VSTM2B: variants seen among roughly 807,000 people sequenced by gnomAD.
VSTM2B encodes V-set and transmembrane domain-containing protein 2B.
VSTM2B carries 24 observed loss-of-function variants against 24.0 expected under a neutral mutation model. That is an observed-to-expected ratio of 1.00 (90% CI 0.72 to 1.40). The LOEUF (loss-of-function observed/expected upper bound fraction) is 1.40. Ranked by LOEUF, VSTM2B falls within the 40% of genes most tolerant of loss-of-function variation. The pLI is 0.00. For missense variants in VSTM2B, 399 were observed against 416.4 expected (o/e 0.96, Z 0.36); for synonymous variants, 226 against 194.4 (o/e 1.16, Z -1.35).
Position 29,526,709 on chromosome 19 carries a change from T to C in VSTM2B, c.82+44T>C. 1 of 1,453,866 alleles carries C rather than the reference T, an allele frequency of 6.9e-7. No homozygotes were observed. Among genetic ancestry groups the C allele is most frequent in the Non-Finnish European group, 9.2e-7 (1 of 1,089,968 alleles). The allele number at this position is 1,453,866 out of a possible 1,614,324, so 90.1% of individuals were successfully genotyped here. ...CTGCCGCTGTGGACTCGGGGGGGTC[T>C]TTGCTGGGGCCGCCACCGAGAAGAA... On this transcript the variant is annotated intron_variant, in intron 1 of 4. Coordinates refer to ENST00000335523, the MANE Select transcript of VSTM2B (RefSeq NM_001146339.2). This position sits in a 1 kb window ranked among gnomAD's most constrained non-coding sequence, Gnocchi z 4.1.
intron 2 of VSTM2B, among the ~76,000 whole-genome samples, chr19:29,527,963 C>A (rs1019480859): frequency 3.9e-4 from 60 of 152,264 alleles, no homozygotes; most frequent in African/African-American, 1.3e-3. Context: ...CACCTACACA[C>A]ACACCTACAC....
chr19:29,525,580 C>T (rs1969537323), upstream of VSTM2B: 3 of 152,452 alleles, frequency 2.0e-5, 1 homozygote, highest in South Asian at 2.1e-4. Context: ...CCGCCCTTCT[C>T]GCGGCCCCGG....
intron 4 of VSTM2B, among the ~76,000 whole-genome samples, chr19:29,538,194 G>A (rs538959895): frequency 1.6e-4 from 24 of 152,148 alleles, no homozygotes; most frequent in African/African-American, 4.1e-4. Flanking sequence ...CTTGTTTTCC[G>A]GATACATCCA....
At chr19:29,545,613 CAA>C (rs1555750554) in intron 4 of VSTM2B, among the ~76,000 whole-genome samples, 2 of 151,916 alleles carry the variant, frequency 1.3e-5, no homozygotes, top group Non-Finnish European at 2.9e-5. Context: ...AACTCCATCT[CAA>C]AAAAAGAGAA....
intron 4 of VSTM2B, among the ~76,000 whole-genome samples, chr19:29,543,651 A>C (rs141738512): frequency 2.6e-4 from 39 of 152,346 alleles, no homozygotes; most frequent in African/African-American, 8.7e-4. Flanking sequence ...TTCCTTGAGC[A>C]GTCATTAATT....
At chr19:29,532,730 T>C (rs1599878935) in intron 4 of VSTM2B, among the ~76,000 whole-genome samples, 1 of 152,354 alleles carries the variant, frequency 6.6e-6, no homozygotes, top group East Asian at 1.9e-4. Context: ...TGTTCATTAT[T>C]ATCACCCTGG....
At chr19:29,531,977 G>T (rs1485918185) in intron 4 of VSTM2B, among the ~76,000 whole-genome samples, 3 of 152,244 alleles carry the variant, frequency 2.0e-5, no homozygotes, top group African/African-American at 7.2e-5. Flanking sequence ...GCAGACCAGT[G>T]AGGAGAGACA....
At chr19:29,546,471 T>C (rs1272429930) in intron 4 of VSTM2B, among the ~76,000 whole-genome samples, 2 of 152,214 alleles carry the variant, frequency 1.3e-5, no homozygotes, top group Non-Finnish European at 2.9e-5. Context: ...GGAAAGTGGT[T>C]TCTACCTCCT....
chr19:29,534,067 G>C (rs1294016739), intron 4 of VSTM2B, among the ~76,000 whole-genome samples: 7 of 152,160 alleles, frequency 4.6e-5, no homozygotes, highest in Non-Finnish European at 8.8e-5. Flanking sequence ...CAGGGTCACT[G>C]GGGGGGATGG....
At position 29,530,262 on chromosome 19, in the gene VSTM2B, G is replaced by A. The variant is rs1167411515; in HGVS notation, c.741G>A (p.Ala247=). The stretch of plus-strand genomic sequence containing the variant: ...CAGCGTCGCCGCCATCGGGACAGGC[G>A]GTCCTGCTGCGCCAGAGGCACGGCT... ...ASSASPPSGQ[A]VLLRQRHGSG... The change falls in exon 4 of 5, where the codon GCG becomes GCA. Residue 247 remains alanine, a synonymous_variant. Coordinates refer to ENST00000335523, the MANE Select transcript of VSTM2B (RefSeq NM_001146339.2). The A allele has an allele frequency of 4.0e-6, 6 of 1,502,056 alleles. No homozygotes were observed. The highest frequency in any genetic ancestry group is 5.3e-6 in the Non-Finnish European group (6 of 1,132,844). The allele number at this position is 1,502,056 out of a possible 1,614,324, so 93.0% of individuals were successfully genotyped here.
At chr19:29,532,532 G>C (rs560783588) in intron 4 of VSTM2B, among the ~76,000 whole-genome samples, 89 of 152,294 alleles carry the variant, frequency 5.8e-4, no homozygotes, top group African/African-American at 2.1e-3. Flanking sequence ...ATTACAGGCT[G>C]GGACGTACCT....
chr19:29,561,352 G>A (rs1009042026), intron 4 of VSTM2B, among the ~76,000 whole-genome samples: 10 of 151,126 alleles, frequency 6.6e-5, no homozygotes, highest in African/African-American at 2.4e-4. Context: ...GGCCAGGCGT[G>A]GTGACTCACA....
At chr19:29,558,938 C>G (rs921968753) in intron 4 of VSTM2B, among the ~76,000 whole-genome samples, 2 of 152,082 alleles carry the variant, frequency 1.3e-5, no homozygotes, top group Non-Finnish European at 2.9e-5. Context: ...GTTAGAATGG[C>G]AATCATTAAA....
intron 4 of VSTM2B, among the ~76,000 whole-genome samples, chr19:29,536,804 G>A (rs898824028): frequency 5.9e-5 from 9 of 152,092 alleles, no homozygotes; most frequent in African/African-American, 1.7e-4. Context: ...CATTAAACAC[G>A]CCAGGTGCAT....
chr19:29,561,093 C>T (rs144650121), intron 4 of VSTM2B, among the ~76,000 whole-genome samples: 40 of 152,244 alleles, frequency 2.6e-4, no homozygotes, highest in African/African-American at 9.1e-4. Context: ...GGGCAGATCA[C>T]TTGAGGTCAG....
At chr19:29,554,877 T>A (rs1970372427) in intron 4 of VSTM2B, among the ~76,000 whole-genome samples, 1 of 152,180 alleles carries the variant, frequency 6.6e-6, no homozygotes, top group South Asian at 2.1e-4. Context: ...ATCCTAAATA[T>A]ACATGCACCC....
intron 3 of VSTM2B, among the ~76,000 whole-genome samples, chr19:29,528,780 G>T (rs1460528867): frequency 6.6e-6 from 1 of 152,272 alleles, no homozygotes; most frequent in Non-Finnish European, 1.5e-5. Context: ...CGCTCTGCGG[G>T]CATTCCTCCT....
At chr19:29,532,333 G>A (rs912042088) in intron 4 of VSTM2B, among the ~76,000 whole-genome samples, 23 of 152,256 alleles carry the variant, frequency 1.5e-4, no homozygotes, top group Non-Finnish European at 2.8e-4. Flanking sequence ...GGCTGCTTTC[G>A]GGCCTCATCT....
chr19:29,560,727 A>G (rs574683865), intron 4 of VSTM2B, among the ~76,000 whole-genome samples: 1 of 152,208 alleles, frequency 6.6e-6, no homozygotes, highest in Non-Finnish European at 1.5e-5. Context: ...CTTGCAATTT[A>G]AAACCTTTTA....
Sources: gnomAD v4.1 joint callset for allele counts (sites outside exome capture counted in the v4.1 genomes callset) on GRCh38, gnomAD v4.1.1 for gene constraint, Gnocchi (gnomAD v3.1) non-coding constraint, MANE v1.5 for transcripts, NCBI Gene and HGNC (gene_info 2026-07-23, HGNC 2026-07-21) for gene names.